The following EPS8 variants were observed in gnomAD, a reference collection of about 807,000 sequenced individuals.
The protein encoded by EPS8 is epidermal growth factor receptor kinase substrate 8.
EPS8 carries 42 observed loss-of-function variants against 103.8 expected under a neutral mutation model. The observed-to-expected ratio is 0.40, with a 90% CI of 0.32 to 0.52. EPS8 has a LOEUF of 0.52. Ranked by LOEUF, EPS8 falls within the 20% of genes least tolerant of loss-of-function variation. The probability of loss-of-function intolerance (pLI) is 0.40; values close to 1 mark genes in which losing one functional copy is unlikely to be tolerated. For synonymous variants in EPS8, 344 were observed against 344.6 expected, an observed-to-expected ratio of 1.00 and a Z score of 0.02; for missense variants, 969 against 1,005.1, an observed-to-expected ratio of 0.96 and a Z score of 0.49.
rs369666650 is a variant in EPS8, at chr12:15,764,058, G to C, written c.-22+25103C>G. 6.6e-6 allele frequency among the ~76,000 whole-genome samples: 1 copy of C among 152,174 alleles called. No homozygotes were observed. The highest frequency in any genetic ancestry group is 1.5e-5 in the Non-Finnish European group (1 of 68,028). On this transcript the variant is annotated intron_variant, in intron 1 of 20. Transcript: ENST00000281172. This position sits in a 1 kb window ranked among gnomAD's most constrained non-coding sequence, Gnocchi z 4.1. ...TGAGACTAATTTATAAAGGAAAAGA[G>C]GTTTAATGGACTCACAGTTCCACAT...
intron 1 of EPS8, among the ~76,000 whole-genome samples, chr12:15,768,281 T>C (rs1947117415): frequency 6.6e-6 from 1 of 151,116 alleles, no homozygotes; most frequent in African/African-American, 2.4e-5. Flanking sequence ...CTACTAAAAA[T>C]ACAAAAATTA....
chr12:15,714,937 C>G lies in EPS8; in HGVS notation c.-21-31965G>C, dbSNP rs142619211. The stretch of plus-strand genomic sequence containing the variant: ...CTCCTGACCACTGTATGCTGCAACT[C>G]CTTATTCCTGAAAATTCTGACCCAT... On this transcript the variant is annotated intron_variant, in intron 1 of 20. Transcript: ENST00000281172. The surrounding 1 kb of genome is among the most constrained non-coding windows in gnomAD (Gnocchi z 4.1). Among the ~76,000 whole-genome samples the G allele has an allele frequency of 4.8e-3, 733 of 152,268 alleles. 5 individuals are homozygous for G. The highest frequency in any genetic ancestry group is 8.1e-3 in the Non-Finnish European group (550 of 68,016).
Position 15,688,768 on chromosome 12 carries a change from C to G in EPS8, c.-21-5796G>C, listed in dbSNP as rs10772869. On this transcript the variant is annotated intron_variant, in intron 1 of 20. Transcript: ENST00000281172. This position sits in a 1 kb window ranked among gnomAD's most constrained non-coding sequence, Gnocchi z 5.1. ...AGCCCACGTGTGATCCGATTCTTCC[C>G]ATACGCCAAGGCAATAACCCCAGGA... Among the ~76,000 whole-genome samples, 152,299 of 152,308 alleles carry G rather than the reference C, an allele frequency of 1. 76,145 individuals are homozygous for G. Among genetic ancestry groups the G allele is most frequent in the Middle Eastern group, 1 (294 of 294 alleles).
intron 1 of EPS8, among the ~76,000 whole-genome samples, chr12:15,710,010 G>C (rs1263394919): frequency 1.3e-5 from 2 of 152,194 alleles, no homozygotes; most frequent in Admixed American, 1.3e-4. Context: ...AGTGATGCTT[G>C]CTGGCCTACT....
At chr12:15,685,481 TG>T (rs1946080186) in intron 1 of EPS8, among the ~76,000 whole-genome samples, 6 of 152,222 alleles carry the variant, frequency 3.9e-5, no homozygotes, top group African/African-American at 1.4e-4. Flanking sequence ...CTGGTTTTAA[TG>T]AAAAGTGATA....
intron 1 of EPS8, among the ~76,000 whole-genome samples, chr12:15,783,101 T>C (rs926754608): frequency 1.8e-4 from 27 of 152,180 alleles, no homozygotes; most frequent in African/African-American, 5.8e-4. Context: ...GTATGTACCA[T>C]AGATTGAGGT....
chr12:15,783,977 A>C (rs899662937), intron 1 of EPS8, among the ~76,000 whole-genome samples: 4 of 152,248 alleles, frequency 2.6e-5, no homozygotes, highest in Non-Finnish European at 5.9e-5. Context: ...AAATTAATCT[A>C]GACACAGACC....
In EPS8 at chr12:15,752,256, G is replaced by A. The variant is rs1401391438; in HGVS notation, c.-22+36905C>T. 6.6e-6 allele frequency among the ~76,000 whole-genome samples: 1 copy of A among 152,070 alleles called. No homozygotes were observed. The highest frequency in any genetic ancestry group is 1.5e-5 in the Non-Finnish European group (1 of 68,004). ...AGGTCAGGAGATCGAGACCATCCTG[G>A]CTAACATGGTGAAACCCCGTTTCTA... On this transcript the variant is annotated intron_variant, in intron 1 of 20. Coordinates refer to ENST00000281172, the MANE Select transcript of EPS8 (RefSeq NM_004447.6). This position sits in a 1 kb window ranked among gnomAD's most constrained non-coding sequence, Gnocchi z 4.4.
In EPS8 at chr12:15,762,960, G is replaced by A. The variant is rs1947056820; in HGVS notation, c.-22+26201C>T. On this transcript the variant is annotated intron_variant, in intron 1 of 20. Transcript: ENST00000281172. The surrounding 1 kb of genome is among the most constrained non-coding windows in gnomAD (Gnocchi z 4.8). ...AATTGGATTGTTTGTAACACAAAGGGTAAATGCTTGAGGAATAGATAGCCC... is the reference window on the plus strand; with the variant it reads ...AATTGGATTGTTTGTAACACAAAGGATAAATGCTTGAGGAATAGATAGCCC... 6.6e-6 allele frequency among the ~76,000 whole-genome samples: 1 copy of A among 152,080 alleles called. No homozygotes were observed.
At chr12:15,664,357 T>C (rs1237066627) in intron 8 of EPS8, among the ~76,000 whole-genome samples, 1 of 152,012 alleles carries the variant, frequency 6.6e-6, no homozygotes, top group Non-Finnish European at 1.5e-5. Context: ...TTTCAACCTC[T>C]GAAAAAACCT....
rs560177861 is a variant in EPS8, at chr12:15,632,779, T to C, written c.1822-1115A>G. On this transcript the variant is annotated intron_variant, in intron 17 of 20. Coordinates refer to ENST00000281172, the MANE Select transcript of EPS8 (RefSeq NM_004447.6). ...AAAATACACACCACACACAGACACA[T>C]CACTTTTTAATTAAACTATTACTCA... 4.9e-4 allele frequency among the ~76,000 whole-genome samples: 74 copies of C among 151,956 alleles called. No individual in the cohort carries two copies. In the Middle Eastern group the frequency reaches 0.01, roughly 21 times the overall value.
chr12:15,671,272 T>C (rs986363353), intron 3 of EPS8, among the ~76,000 whole-genome samples: 6 of 152,148 alleles, frequency 3.9e-5, no homozygotes, highest in Non-Finnish European at 7.4e-5. Flanking sequence ...GGCTTATAAA[T>C]TTCATCTGTT....
chr12:15,765,264 A>G (rs1373109755), intron 1 of EPS8, among the ~76,000 whole-genome samples: 1 of 152,224 alleles, frequency 6.6e-6, no homozygotes, highest in African/African-American at 2.4e-5. Flanking sequence ...CCTTCACTTT[A>G]TAAGTTATTT....
At chr12:15,655,186 C>T (rs912398020) in intron 12 of EPS8, among the ~76,000 whole-genome samples, 1 of 152,044 alleles carries the variant, frequency 6.6e-6, no homozygotes, top group African/African-American at 2.4e-5. Flanking sequence ...AAGGCCATTC[C>T]CCCATTATTC....
At chr12:15,718,745 G>A (rs964217070) in intron 1 of EPS8, among the ~76,000 whole-genome samples, 2 of 152,044 alleles carry the variant, frequency 1.3e-5, no homozygotes, top group South Asian at 4.2e-4. Flanking sequence ...CTTGTAAAAC[G>A]CATTTTTAAA....
intron 17 of EPS8, among the ~76,000 whole-genome samples, chr12:15,633,672 AC>A (rs1266252025): frequency 2.7e-4 from 41 of 152,276 alleles, no homozygotes; most frequent in African/African-American, 9.4e-4. Flanking sequence ...GATTAAAGAA[AC>A]CCATATGAAA....
chr12:15,650,776 C>G lies in EPS8; in HGVS notation c.1434+47G>C, dbSNP rs762506736. On this transcript the variant is annotated intron_variant, in intron 14 of 20. Coordinates refer to ENST00000281172, the MANE Select transcript of EPS8 (RefSeq NM_004447.6). The stretch of plus-strand genomic sequence containing the variant: ...GCAATCAGAATTACAAGAGAATACA[C>G]AGATAATTACACTGTCTACAGAGGG... 5 of 1,432,432 alleles carry G rather than the reference C, an allele frequency of 3.5e-6. No homozygotes were observed. The Admixed American group carries it at 9.4e-5, about 27-fold the overall frequency. 88.7% of individuals were successfully genotyped at this position (1,432,432 alleles called of 1,614,324 possible).
In EPS8 at chr12:15,748,088, C is replaced by T. The variant is rs1946894309; in HGVS notation, c.-22+41073G>A. On this transcript the variant is annotated intron_variant, in intron 1 of 20. Transcript: ENST00000281172. The surrounding 1 kb of genome is among the most constrained non-coding windows in gnomAD (Gnocchi z 4.8). ...GCATGCAAAAAAGGCAGAGAATTTG[C>T]TATCAAAAGGTCTGTGCCAAGCCCC... Among the ~76,000 whole-genome samples, 1 of 152,044 alleles carries T rather than the reference C, an allele frequency of 6.6e-6. No individual in the cohort carries two copies. Among genetic ancestry groups the T allele is most frequent in the African/African-American group, 2.4e-5 (1 of 41,406 alleles).
intron 3 of EPS8, among the ~76,000 whole-genome samples, chr12:15,676,941 G>A (rs1478885057): frequency 1.3e-5 from 2 of 152,082 alleles, no homozygotes; most frequent in Admixed American, 1.3e-4. Flanking sequence ...CAAATTTATT[G>A]TCATATACAA....
Sources: allele counts gnomAD v4.1 joint callset (sites outside exome capture counted in the v4.1 genomes callset), GRCh38; gene constraint gnomAD v4.1.1; non-coding constraint Gnocchi (gnomAD v3.1); transcripts MANE v1.5; gene names NCBI Gene and HGNC (gene_info 2026-07-23, HGNC 2026-07-21).